The following ACACB variants were observed in gnomAD, a reference collection of about 807,000 sequenced individuals.
ACACB encodes acetyl-CoA carboxylase beta, also known as acetyl-CoA carboxylase 2.
A neutral mutation model predicts 278.8 loss-of-function variants in ACACB; 209 were observed. The ratio of observed to expected loss-of-function variants is 0.75; its 90% CI spans 0.67 to 0.84. The LOEUF is 0.84. Among genes scored for constraint, ACACB ranks in the 40% least tolerant of loss-of-function variants. The pLI is 0.00. For synonymous variants in ACACB, 1,174 were observed against 1,285.6 expected (o/e 0.91, Z 1.86); for missense variants, 2,850 against 3,269.0 (o/e 0.87, Z 3.13).
At chr12:109,158,382 C>A (rs1170419668) in intron 2 of ACACB, among the ~76,000 whole-genome samples, 1 of 127,114 alleles carries the variant, frequency 7.9e-6, no homozygotes, top group Admixed American at 7.9e-5. Context: ...TTTTTTTTTT[C>A]GATGACTTAA....
chr12:109,154,446 C>T (rs2043461641), intron 2 of ACACB, among the ~76,000 whole-genome samples: 1 of 152,242 alleles, frequency 6.6e-6, no homozygotes. Context: ...CAATTGCTGC[C>T]AATATGTAGG....
At chr12:109,133,843 A>C (rs865808138) in intron 1 of ACACB, among the ~76,000 whole-genome samples, 1 of 36,942 alleles carries the variant, frequency 2.7e-5, no homozygotes. Context: ...GTGCATATAT[A>C]TATATATATA....
chr12:109,206,966 T>G (rs890468516), intron 20 of ACACB, 110 bp downstream of exon 20: 4 of 1,270,920 alleles, frequency 3.1e-6, no homozygotes, highest in Non-Finnish European at 4.4e-6. Context: ...TGGTCGGTCC[T>G]CTGTTGTTTT....
rs766318399 is a variant in ACACB, at chr12:109,206,841, C to A, written c.3045C>A (p.Pro1015=). The change falls in exon 20 of 53, where the codon CCC becomes CCA. Residue 1015 remains proline, a synonymous_variant. Coordinates refer to ENST00000338432, the MANE Select transcript of ACACB (RefSeq NM_001093.4). ...NVMSGFCLPE[P]VFSIKLKEWV... Reference sequence around the variant, plus strand: ...TGAGTGGCTTTTGTCTGCCAGAGCCCGTTTTTAGCATAAAGGTAAAGTCAC... The same window carrying A: ...TGAGTGGCTTTTGTCTGCCAGAGCCAGTTTTTAGCATAAAGGTAAAGTCAC... The A allele has an allele frequency of 1.2e-6, 2 of 1,614,070 alleles. No individual in the cohort carries two copies. The highest frequency in any genetic ancestry group is 4.5e-5 in the East Asian group (2 of 44,878).
intron 22 of ACACB, among the ~76,000 whole-genome samples, chr12:109,215,604 A>C (rs914287401): frequency 2.0e-5 from 3 of 152,112 alleles, no homozygotes; most frequent in Admixed American, 1.3e-4. Flanking sequence ...TCTACTAAAA[A>C]TACAAAAAAA....
intron 3 of ACACB, among the ~76,000 whole-genome samples, chr12:109,167,555 C>T (rs1365725841): frequency 6.8e-6 from 1 of 146,730 alleles, no homozygotes; most frequent in African/African-American, 2.5e-5. Context: ...GCTGTGATTG[C>T]ACCACTGTAC....
At chr12:109,192,753 CT>C (rs1309714292) in intron 15 of ACACB, among the ~76,000 whole-genome samples, 1 of 152,104 alleles carries the variant, frequency 6.6e-6, no homozygotes, top group Non-Finnish European at 1.5e-5. Flanking sequence ...CCTGGACTTC[CT>C]GGGCTCCAGT....
chr12:109,133,690 G>T lies in ACACB; in HGVS notation c.-9-5707G>T, dbSNP rs979618723. Among the ~76,000 whole-genome samples, 31 of 151,696 alleles carry T rather than the reference G, an allele frequency of 2.0e-4. 1 individual carries two copies. Among genetic ancestry groups the T allele is most frequent in the African/African-American group, 6.8e-4 (28 of 41,308 alleles). ...AAGATTGGTCGCATTTGTATGAGTT[G>T]TTCTCTTCAGCCCTTTCTTTCAAAA... On this transcript the variant is annotated intron_variant, in intron 1 of 52. Transcript: ENST00000338432.
intron 2 of ACACB, among the ~76,000 whole-genome samples, chr12:109,163,027 G>A (rs576245084): frequency 3.3e-4 from 51 of 152,276 alleles, no homozygotes; most frequent in African/African-American, 1.1e-3. Flanking sequence ...AGGTTCAAGC[G>A]ATTCTCCTGC....
chr12:109,188,194 C>G, intron 13 of ACACB, 32 bp downstream of exon 13: 1 of 1,152,574 alleles, frequency 8.7e-7, no homozygotes, highest in Non-Finnish European at 1.2e-6. Context: ...TCCTTCCTTC[C>G]TTCCTTCCTT....
chr12:109,146,205 G>A (rs1329258247), intron 2 of ACACB, among the ~76,000 whole-genome samples: 1 of 152,176 alleles, frequency 6.6e-6, no homozygotes, highest in Non-Finnish European at 1.5e-5. Flanking sequence ...GAAGAGGCCA[G>A]GGGTATTTAT....
chr12:109,234,115 C>G (rs1303264547), intron 31 of ACACB, 70 bp downstream of exon 31: 3 of 1,351,154 alleles, frequency 2.2e-6, no homozygotes, highest in Non-Finnish European at 3.1e-6. Context: ...CTCGTCGAGG[C>G]GGCCCTTGGG....
intron 1 of ACACB, among the ~76,000 whole-genome samples, chr12:109,133,859 A>T (rs1445593467): frequency 2.1e-5 from 1 of 48,246 alleles, no homozygotes; most frequent in Non-Finnish European, 3.7e-5. Flanking sequence ...ATATATATAT[A>T]TATATTTTTT....
rs1410025561 is a variant in ACACB at position 109,209,292 on chromosome 12, G to A, written c.3188G>A (p.Arg1063Lys). The change falls in exon 21 of 53, where the codon AGG becomes AAG. Residue 1063 changes from arginine (R) to lysine (K), a missense_variant. Around this residue, in one of 3 missense-constraint regions of ACACB, gnomAD observed 2,265 missense variants for 2,561.3 expected, o/e 0.88. Coordinates refer to ENST00000338432, the MANE Select transcript of ACACB (RefSeq NM_001093.4). ...GCCCCTGTGGAGAAGTCTGTCCGCA[G>A]GGTGATGGCCCAGTATGCCAGCAAC... ...IPAPVEKSVR[R>K]VMAQYASNIT... 1 of 1,612,782 alleles carries A rather than the reference G, an allele frequency of 6.2e-7. No homozygotes were observed. Among genetic ancestry groups the A allele is most frequent in the East Asian group, 2.2e-5 (1 of 44,882 alleles).
chr12:109,237,518 TC>T, intron 34 of ACACB, 138 bp downstream of exon 34: 1 of 912,904 alleles, frequency 1.1e-6, no homozygotes, highest in Non-Finnish European at 1.7e-6. Context: ...CTTGCTATGC[TC>T]CAGTCCAGGG....
chr12:109,176,883 CTGGGA>C (rs1188685130), intron 9 of ACACB, among the ~76,000 whole-genome samples: 1 of 152,216 alleles, frequency 6.6e-6, no homozygotes, highest in Non-Finnish European at 1.5e-5. Flanking sequence ...TCCCAAAGTG[CTGGGA>C]TTACAGGTGT....
At chr12:109,126,039 G>A (rs922717097) in intron 1 of ACACB, among the ~76,000 whole-genome samples, 7 of 152,190 alleles carry the variant, frequency 4.6e-5, no homozygotes, top group Non-Finnish European at 1.0e-4. Context: ...CCAGCAGCGT[G>A]TACCACACCT....
Position 109,239,889 on chromosome 12 carries a change from C to T in ACACB, c.4722C>T (p.Asp1574=), listed in dbSNP as rs141396889. 1.7e-5 allele frequency: 27 copies of T among 1,614,038 alleles called. No individual in the cohort carries two copies. The highest frequency in any genetic ancestry group is 1.6e-4 in the Middle Eastern group (1 of 6,082). The stretch of plus-strand genomic sequence containing the variant: ...AGCGGCTGCTCCTGGAGGCCATGGA[C>T]GAGCTGGAGGTGGCGTTCAATAACA... The part of the protein sequence containing the change: ...EGERLLLEAM[D]ELEVAFNNTS... The change falls in exon 35 of 53, where the codon GAC becomes GAT. Residue 1574 remains aspartate (D), a synonymous_variant. Coordinates refer to ENST00000338432, the MANE Select transcript of ACACB (RefSeq NM_001093.4).
rs17848836 is a variant in ACACB, at chr12:109,256,015, A to C, written c.6167-125A>C. 176 of 648,220 alleles carry C rather than the reference A, an allele frequency of 2.7e-4. 1 individual carries two copies. The East Asian group carries it at 4.9e-3, about 18-fold the overall frequency. 40.2% of individuals were successfully genotyped at this position (648,220 alleles called of 1,614,324 possible). The stretch of plus-strand genomic sequence containing the variant: ...TTGGGCTGTGTGGTTTTAGGTAGAA[A>C]GGGGTATCTGGGCTATGAGGTTAAA... On this transcript the variant is annotated intron_variant, in intron 44 of 52. Coordinates refer to ENST00000338432, the MANE Select transcript of ACACB (RefSeq NM_001093.4).
Sources: gnomAD v4.1 joint callset for allele counts (sites outside exome capture counted in the v4.1 genomes callset) on GRCh38, gnomAD v4.1.1 for gene constraint, gnomAD v4.1.1 regional missense constraint, MANE v1.5 for transcripts, NCBI Gene and HGNC (gene_info 2026-07-23, HGNC 2026-07-21) for gene names.